Variants in ATRN observed in about 807,000 individuals in gnomAD.
The protein encoded by ATRN is attractin.
Under a neutral mutation model 178.7 loss-of-function variants are expected in ATRN, and 54 were observed. The ratio of observed to expected loss-of-function variants is 0.30; its 90% CI spans 0.24 to 0.38. The LOEUF is 0.38. Ranked by LOEUF, ATRN falls within the 10% of genes least tolerant of loss-of-function variation. The pLI is 1.00. For missense variants in ATRN, 1,443 were observed against 1,815.1 expected (o/e 0.79, Z 3.73); for synonymous variants, 636 against 663.0 (o/e 0.96, Z 0.63).
At chr20:3,639,597 T>C (rs2087052099) in intron 27 of ATRN, among the ~76,000 whole-genome samples, 1 of 152,082 alleles carries the variant, frequency 6.6e-6, no homozygotes, top group Non-Finnish European at 1.5e-5. Flanking sequence ...AGCAAAATGA[T>C]AATACACTGT....
intron 1 of ATRN, among the ~76,000 whole-genome samples, chr20:3,483,556 C>T (rs1264847736): frequency 1.3e-5 from 2 of 152,080 alleles, no homozygotes; most frequent in East Asian, 1.9e-4. Context: ...CTATGTTGCC[C>T]GGGCTGATCT....
Position 3,471,461 on chromosome 20 carries a change from C to G in ATRN, c.354C>G (p.Cys118Trp). 1 of 1,419,726 alleles carries G rather than the reference C, an allele frequency of 7.0e-7. No individual in the cohort carries two copies. The allele number at this position is 1,419,726 out of a possible 1,614,324, so 87.9% of individuals were successfully genotyped here. A position where few individuals can be genotyped will look rare whatever the true frequency, so the allele number is the denominator to read the frequency against. Residue 118 changes from cysteine to tryptophan, a missense_variant, in exon 1 of 29, where the codon TGC (cysteine) becomes TGG (tryptophan). Physicochemically the swap from Cys to Trp is radical, Grantham distance 215. This residue lies in a region of ATRN where 862 missense variants were observed against 972.1 expected (regional missense o/e 0.89). Coordinates refer to ENST00000262919, the MANE Select transcript of ATRN (RefSeq NM_139321.3). ...GGRCNPGTGQ[C>W]VCPAGWVGEQ... ...GCTGCAACCCTGGCACCGGCCAGTG[C>G]GTCTGCCCCGCCGGCTGGGTGGGCG... is the stretch of plus-strand genomic sequence containing the variant.
chr20:3,542,805 T>A (rs1189590255), intron 3 of ATRN, among the ~76,000 whole-genome samples: 2 of 148,008 alleles, frequency 1.4e-5, no homozygotes, highest in African/African-American at 5.0e-5. Context: ...TTTTGTATTT[T>A]TTTTTTTTTT....
intron 1 of ATRN, among the ~76,000 whole-genome samples, chr20:3,501,974 A>C (rs185826080): frequency 6.6e-4 from 101 of 152,302 alleles, no homozygotes; most frequent in East Asian, 3.1e-3. Flanking sequence ...GCTCTTACAA[A>C]GGCTGAAGCC....
intron 1 of ATRN, among the ~76,000 whole-genome samples, chr20:3,498,630 C>G (rs867364767): frequency 2.6e-5 from 4 of 152,150 alleles, no homozygotes. Flanking sequence ...CAAAATTCAA[C>G]AGCTCTTCAT....
chr20:3,560,562 C>G, intron 7 of ATRN, 100 bp from the exon 8 acceptor site: 1 of 1,077,746 alleles, frequency 9.3e-7, no homozygotes, highest in South Asian at 1.7e-5. Flanking sequence ...CTTGACTAAC[C>G]TTTTTTAAGC....
Position 3,650,760 on chromosome 20 carries a change from T to G in ATRN, c.*3913T>G, listed in dbSNP as rs1320935565. On this transcript the variant is annotated 3_prime_UTR_variant, in exon 29 of 29. Coordinates refer to ENST00000262919, the MANE Select transcript of ATRN (RefSeq NM_139321.3). ...ATTCTAAACACTAGTGAAGCCTGTT[T>G]CGTTGAACTAATTCTGGCTCTGGAA... 6.7e-6 allele frequency: 1 copy of G among 149,252 alleles called. No individual in the cohort carries two copies. The highest frequency in any genetic ancestry group is 1.5e-5 in the Non-Finnish European group (1 of 66,084). The allele number at this position is 149,252 out of a possible 1,614,324, so 9.2% of individuals were successfully genotyped here. A position where few individuals can be genotyped will look rare whatever the true frequency, so the allele number is the denominator to read the frequency against.
At chr20:3,609,496 C>T (rs1253994767) in intron 24 of ATRN, among the ~76,000 whole-genome samples, 2 of 152,254 alleles carry the variant, frequency 1.3e-5, no homozygotes, top group East Asian at 1.9e-4. Context: ...TTCCTCCTTT[C>T]AGTTTGGATG....
At chr20:3,494,477 T>A (rs1239235631) in intron 1 of ATRN, among the ~76,000 whole-genome samples, 1 of 152,094 alleles carries the variant, frequency 6.6e-6, no homozygotes, top group African/African-American at 2.4e-5. Flanking sequence ...GAGCCACAGT[T>A]AAGAGACTGT....
chr20:3,471,928 T>G (rs2084433876), intron 1 of ATRN, among the ~76,000 whole-genome samples: 1 of 152,114 alleles, frequency 6.6e-6, no homozygotes, highest in African/African-American at 2.4e-5. Context: ...ACCCGATGAG[T>G]TCCCCGATGC....
chr20:3,615,833 A>G (rs1363258216), intron 24 of ATRN: 3 of 455,060 alleles, frequency 6.6e-6, no homozygotes, highest in African/African-American at 4.0e-5. Context: ...CATAGGTGCA[A>G]ACTGAACAAT....
At chr20:3,590,283 G>A (rs538939442) in intron 18 of ATRN, among the ~76,000 whole-genome samples, 65 of 152,150 alleles carry the variant, frequency 4.3e-4, no homozygotes, top group Non-Finnish European at 4.4e-4. Flanking sequence ...ATACTAACAG[G>A]TGCATAAACA....
At chr20:3,548,893 T>A (rs561695669) in intron 5 of ATRN, among the ~76,000 whole-genome samples, 1 of 152,318 alleles carries the variant, frequency 6.6e-6, no homozygotes, top group African/African-American at 2.4e-5. Flanking sequence ...ATTATTTATT[T>A]ATCTGTGCTT....
intron 1 of ATRN, among the ~76,000 whole-genome samples, chr20:3,532,177 G>C (rs1309575691): frequency 2.0e-5 from 3 of 152,258 alleles, no homozygotes; most frequent in Non-Finnish European, 4.4e-5. Flanking sequence ...TAAAACTGAT[G>C]CTGATTTGCA....
intron 25 of ATRN, among the ~76,000 whole-genome samples, chr20:3,626,781 CTTT>C (rs33999405): frequency 4.2e-5 from 5 of 118,144 alleles, no homozygotes; most frequent in East Asian, 2.9e-4. Context: ...TGAATTATTT[CTTT>C]TTTTTTTTTT....
intron 2 of ATRN, among the ~76,000 whole-genome samples, chr20:3,535,995 A>C (rs1250413076): frequency 2.0e-5 from 3 of 151,994 alleles, no homozygotes; most frequent in Non-Finnish European, 4.4e-5. Context: ...TTATTTTTCT[A>C]AGTATCTATT....
chr20:3,471,112 T>G lies in ATRN; in HGVS notation c.5T>G (p.Val2Gly). 1 of 1,509,882 alleles carries G rather than the reference T, an allele frequency of 6.6e-7. No homozygotes were observed. 93.5% of individuals were successfully genotyped at this position (1,509,882 alleles called of 1,614,324 possible). A position where few individuals can be genotyped will look rare whatever the true frequency, so the allele number is the denominator to read the frequency against. M[V>G]AAAAATEARL... Reference sequence around the variant, plus strand: ...CGCCGTCTCAGCCCCGGGAAGATGGTGGCTGCAGCGGCGGCAACTGAGGCA... The same window carrying G: ...CGCCGTCTCAGCCCCGGGAAGATGGGGGCTGCAGCGGCGGCAACTGAGGCA... The change falls in exon 1 of 29, where the codon GTG becomes GGG. Residue 2 changes from valine (V) to glycine (G), a missense_variant. This residue lies in a region of ATRN where 862 missense variants were observed against 972.1 expected (regional missense o/e 0.89). Coordinates refer to ENST00000262919, the MANE Select transcript of ATRN (RefSeq NM_139321.3).
chr20:3,552,631 G>A (rs1248116251), intron 6 of ATRN, among the ~76,000 whole-genome samples: 1 of 152,204 alleles, frequency 6.6e-6, no homozygotes, highest in East Asian at 1.9e-4. Flanking sequence ...GGAGTCCTCT[G>A]TAATCAAGGT....
intron 1 of ATRN, among the ~76,000 whole-genome samples, chr20:3,523,203 GT>G (rs2085319566): frequency 1.3e-5 from 2 of 152,042 alleles, no homozygotes; most frequent in South Asian, 4.2e-4. Flanking sequence ...AGAATAACCA[GT>G]TTAGAGAAGA....
Sources: gnomAD v4.1 joint callset for allele counts (sites outside exome capture counted in the v4.1 genomes callset) on GRCh38, gnomAD v4.1.1 for gene constraint, gnomAD v4.1.1 regional missense constraint, MANE v1.5 for transcripts, NCBI Gene and HGNC (gene_info 2026-07-23, HGNC 2026-07-21) for gene names.